LARGE1: variants seen among roughly 807,000 people sequenced by gnomAD.
The protein encoded by LARGE1 is LARGE xylosyl- and glucuronyltransferase 1.
In LARGE1, 43 loss-of-function variants were observed where a neutral mutation model predicts 87.6. The ratio of observed to expected loss-of-function variants is 0.49; its 90% CI spans 0.38 to 0.63. The LOEUF is 0.63. Ranked by LOEUF, LARGE1 falls within the 30% of genes least tolerant of loss-of-function variation. LARGE1 has a pLI of 0.00. For synonymous variants in LARGE1, 434 were observed against 394.6 expected (o/e 1.10, Z -1.18); for missense variants, 802 against 1,000.2 (o/e 0.80, Z 2.67).
the LARGE1 span, among the ~76,000 whole-genome samples, chr22:33,093,749 G>A: frequency 0.15 from 23,437 of 151,512 alleles, 2,206 homozygotes; most frequent in East Asian, 0.41. Context: ...TCTGCACTGG[G>A]TGTGGGGGCG....
chr22:33,426,410 T>C (rs1425472638), intron 7 of LARGE1, among the ~76,000 whole-genome samples: 1 of 152,172 alleles, frequency 6.6e-6, no homozygotes, highest in Admixed American at 6.6e-5. Context: ...AATCACAGTA[T>C]TCTTTCAGAA....
intron 2 of LARGE1, among the ~76,000 whole-genome samples, chr22:33,703,683 G>C (rs189492253): frequency 6.6e-6 from 1 of 152,230 alleles, no homozygotes. Flanking sequence ...GCCAAGGGAT[G>C]CAGGTGGCTG....
At chr22:33,899,400 A>G (rs1463161034) in intron 1 of LARGE1, among the ~76,000 whole-genome samples, 1 of 152,204 alleles carries the variant, frequency 6.6e-6, no homozygotes, top group Non-Finnish European at 1.5e-5. Context: ...TAACCAAACA[A>G]TGCATCAGGC....
At chr22:33,354,063 G>A (rs1397641430) in intron 9 of LARGE1, among the ~76,000 whole-genome samples, 1 of 152,234 alleles carries the variant, frequency 6.6e-6, no homozygotes, top group Non-Finnish European at 1.5e-5. Context: ...GTAAGAGATG[G>A]CACACGTGAA....
intron 10 of LARGE1, 137 bp from the exon 11 acceptor site, chr22:33,316,385 G>T: frequency 1.4e-6 from 1 of 720,610 alleles, no homozygotes; most frequent in Non-Finnish European, 2.3e-6. Flanking sequence ...TACATGGAAG[G>T]GATCACCACT....
At chr22:33,099,876 G>C in the LARGE1 span, among the ~76,000 whole-genome samples, 1 of 152,180 alleles carries the variant, frequency 6.6e-6, no homozygotes. Context: ...GTCAGGAAGA[G>C]ACACAAAATC....
At chr22:33,116,543 T>C in the LARGE1 span, among the ~76,000 whole-genome samples, 1 of 151,558 alleles carries the variant, frequency 6.6e-6, no homozygotes, top group Non-Finnish European at 1.5e-5. Context: ...TTTTTTTTTT[T>C]TAGTAGAGAC....
intron 6 of LARGE1, among the ~76,000 whole-genome samples, chr22:33,541,564 C>T (rs902906944): frequency 6.6e-6 from 1 of 152,098 alleles, no homozygotes; most frequent in African/African-American, 2.4e-5. Context: ...GTGGATCAGT[C>T]TGGAGAACCT....
At chr22:33,822,363 T>A (rs181976230) in intron 1 of LARGE1, among the ~76,000 whole-genome samples, 42 of 152,266 alleles carry the variant, frequency 2.8e-4, no homozygotes, top group Non-Finnish European at 2.9e-5. Flanking sequence ...GTTGTGCTGA[T>A]CTCCCATAGC....
At chr22:33,224,110 C>A (rs547610729) in intron 11 of LARGE1, among the ~76,000 whole-genome samples, 9 of 152,030 alleles carry the variant, frequency 5.9e-5, no homozygotes, top group African/African-American at 1.9e-4. Context: ...GCAGTGAAAT[C>A]CAAAAATTAG....
At chr22:33,799,576 G>A (rs2086095194) in intron 1 of LARGE1, among the ~76,000 whole-genome samples, 1 of 152,066 alleles carries the variant, frequency 6.6e-6, no homozygotes, top group Admixed American at 6.6e-5. Context: ...AGGTAGCTGG[G>A]ATTACAGGCA....
chr22:33,115,301 G>A, the LARGE1 span, among the ~76,000 whole-genome samples: 7 of 152,078 alleles, frequency 4.6e-5, no homozygotes, highest in South Asian at 2.1e-4. Context: ...AGGCCAGGCC[G>A]GGCACAGTGG....
chr22:33,439,510 T>C (rs1183382328), intron 6 of LARGE1, among the ~76,000 whole-genome samples: 3 of 152,118 alleles, frequency 2.0e-5, no homozygotes, highest in African/African-American at 7.2e-5. Flanking sequence ...ACCTCCTCCA[T>C]GGAGCTTCCC....
intron 9 of LARGE1, among the ~76,000 whole-genome samples, chr22:33,339,455 G>A (rs1022820543): frequency 3.9e-5 from 6 of 152,024 alleles, no homozygotes; most frequent in South Asian, 2.1e-4. Flanking sequence ...CAGACTGTAG[G>A]TACTGCAGAT....
chr22:33,456,631 T>C (rs770686194), intron 6 of LARGE1, among the ~76,000 whole-genome samples: 2 of 152,224 alleles, frequency 1.3e-5, no homozygotes, highest in Non-Finnish European at 2.9e-5. Flanking sequence ...CTGTTGTAAA[T>C]GCAACCTTTT....
chr22:33,309,996 G>GA (rs1660527110), intron 11 of LARGE1, among the ~76,000 whole-genome samples: 1 of 152,120 alleles, frequency 6.6e-6, no homozygotes, highest in African/African-American at 2.4e-5. Context: ...GTTACATGGA[G>GA]AAAAAATTAC....
intron 2 of LARGE1, among the ~76,000 whole-genome samples, chr22:33,691,508 C>G (rs981660269): frequency 2.0e-5 from 3 of 152,106 alleles, no homozygotes; most frequent in Non-Finnish European, 4.4e-5. Flanking sequence ...AGAAACTACG[C>G]AAGCTCAAGA....
chr22:33,659,051 C>T (rs2149220083), intron 2 of LARGE1, among the ~76,000 whole-genome samples: 1 of 152,320 alleles, frequency 6.6e-6, no homozygotes, highest in East Asian at 1.9e-4. Context: ...AAGCATAGGG[C>T]CTGCTTTGCT....
chr22:33,798,584 C>T (rs1601642214), intron 1 of LARGE1, among the ~76,000 whole-genome samples: 1 of 152,146 alleles, frequency 6.6e-6, no homozygotes, highest in Non-Finnish European at 1.5e-5. Context: ...ATGGCTTTTT[C>T]GCAACAGGAG....
Sources: gnomAD v4.1 joint callset for allele counts (sites outside exome capture counted in the v4.1 genomes callset) on GRCh38, gnomAD v4.1.1 for gene constraint, MANE v1.5 for transcripts, NCBI Gene and HGNC (gene_info 2026-07-23, HGNC 2026-07-21) for gene names.